SYN3: variants seen among roughly 807,000 people sequenced by gnomAD.
The protein encoded by SYN3 is synapsin III.
In SYN3, 35 loss-of-function variants were observed where a neutral mutation model predicts 65.8. The observed-to-expected ratio is 0.53, with a 90% CI of 0.41 to 0.70. The LOEUF is 0.70. Among genes scored for constraint, SYN3 ranks in the 30% least tolerant of loss-of-function variants. SYN3 has a pLI of 0.00. For synonymous variants in SYN3, 270 were observed against 292.9 expected (o/e 0.92, Z 0.80); for missense variants, 680 against 749.0 (o/e 0.91, Z 1.08).
In SYN3 at chr22:32,608,047, G is replaced by A. The variant is rs145657989; in HGVS notation, c.712-11311C>T. Among the ~76,000 whole-genome samples the A allele has an allele frequency of 7.5e-3, 1,139 of 152,274 alleles. 10 individuals are homozygous for A. The highest frequency in any genetic ancestry group is 0.037 in the Middle Eastern group (11 of 294). ...GATGGGGAAAAGCACCCCTTTCCAA[G>A]TCAGATGACCCTTTTAAAAAAAGTA... On this transcript the variant is annotated intron_variant, in intron 6 of 13. Coordinates refer to ENST00000358763, the MANE Select transcript of SYN3 (RefSeq NM_003490.4).
intron 5 of SYN3, among the ~76,000 whole-genome samples, chr22:32,868,393 CATGT>C (rs2048746732): frequency 6.6e-6 from 1 of 150,968 alleles, no homozygotes; most frequent in Non-Finnish European, 1.5e-5. Flanking sequence ...TTACATGTAA[CATGT>C]ATAATATATA....
At chr22:32,520,026 T>C (rs2146085158) in intron 12 of SYN3, among the ~76,000 whole-genome samples, 1 of 152,280 alleles carries the variant, frequency 6.6e-6, no homozygotes, top group Admixed American at 6.5e-5. Context: ...CCTGGAACTC[T>C]AGAGAGAGCC....
At chr22:32,755,040 C>T (rs757845434) in intron 6 of SYN3, among the ~76,000 whole-genome samples, 12 of 151,240 alleles carry the variant, frequency 7.9e-5, no homozygotes, top group Admixed American at 3.9e-4. Flanking sequence ...CCAAGTCTGG[C>T]ACTGGGACTG....
At position 32,596,753 on chromosome 22, in the gene SYN3, G is replaced by A. The variant is rs1191205436; in HGVS notation, c.712-17C>T. ...GGCTGTGACCTGAAAGAGACAAGAA[G>A]AAGTCACTCTTAACATCTCAGAGCA... On this transcript the variant is annotated splice_polypyrimidine_tract_variant and intron_variant, in intron 6 of 13. Coordinates refer to ENST00000358763, the MANE Select transcript of SYN3 (RefSeq NM_003490.4). 6.2e-7 allele frequency: 1 copy of A among 1,613,670 alleles called. No homozygotes were observed. The highest frequency in any genetic ancestry group is 8.5e-7 in the Non-Finnish European group (1 of 1,179,720).
At chr22:32,956,730 G>T (rs1428503483) in intron 3 of SYN3, among the ~76,000 whole-genome samples, 1 of 152,166 alleles carries the variant, frequency 6.6e-6, no homozygotes, top group East Asian at 1.9e-4. Flanking sequence ...GAACCATGCT[G>T]CTGTGAACAT....
At chr22:32,830,600 G>A (rs2047543526) in intron 6 of SYN3, among the ~76,000 whole-genome samples, 1 of 152,156 alleles carries the variant, frequency 6.6e-6, no homozygotes, top group Admixed American at 6.5e-5. Context: ...AGGCAGCTGG[G>A]AATAGATATG....
chr22:32,835,289 T>A (rs2047697843), intron 6 of SYN3, among the ~76,000 whole-genome samples: 1 of 152,178 alleles, frequency 6.6e-6, no homozygotes, highest in African/African-American at 2.4e-5. Context: ...CACTGTGAGA[T>A]GTTGCGGTTA....
At chr22:32,622,720 G>A (rs551290948) in intron 6 of SYN3, among the ~76,000 whole-genome samples, 9 of 137,862 alleles carry the variant, frequency 6.5e-5, no homozygotes, top group South Asian at 2.6e-4. Context: ...TCCAGAAATC[G>A]GATGCAAAAA....
chr22:32,721,720 C>T (rs1407711219), intron 6 of SYN3, among the ~76,000 whole-genome samples: 1 of 152,162 alleles, frequency 6.6e-6, no homozygotes, highest in African/African-American at 2.4e-5. Flanking sequence ...CCTTCATTAT[C>T]ATTCTAGTGA....
intron 6 of SYN3, among the ~76,000 whole-genome samples, chr22:32,841,334 C>A (rs1453376710): frequency 6.6e-6 from 1 of 152,078 alleles, no homozygotes; most frequent in Non-Finnish European, 1.5e-5. Context: ...TGTCAGGGGC[C>A]AAGGGATTGC....
At chr22:32,686,889 CT>C (rs2060597662) in intron 6 of SYN3, among the ~76,000 whole-genome samples, 1 of 152,088 alleles carries the variant, frequency 6.6e-6, no homozygotes, top group Admixed American at 6.5e-5. Context: ...ACCACTGCAC[CT>C]GGCCCAGCCG....
At chr22:32,944,049 G>A (rs1028265243) in intron 3 of SYN3, among the ~76,000 whole-genome samples, 1 of 152,010 alleles carries the variant, frequency 6.6e-6, no homozygotes, top group Non-Finnish European at 1.5e-5. Flanking sequence ...ACGAGACAAA[G>A]TTAACAAGGA....
At chr22:32,844,988 C>G (rs906847766) in intron 6 of SYN3, among the ~76,000 whole-genome samples, 1 of 152,168 alleles carries the variant, frequency 6.6e-6, no homozygotes, top group Admixed American at 6.5e-5. Context: ...CTTGGCCTCC[C>G]AAAGTGATGA....
chr22:32,552,179 G>C (rs1188198894), intron 7 of SYN3, among the ~76,000 whole-genome samples: 1 of 152,216 alleles, frequency 6.6e-6, no homozygotes, highest in Non-Finnish European at 1.5e-5. Context: ...CCGGGAGGCG[G>C]AGGTTGCAGT....
intron 6 of SYN3, among the ~76,000 whole-genome samples, chr22:32,799,531 C>T (rs190518129): frequency 8.0e-4 from 122 of 152,242 alleles, no homozygotes; most frequent in African/African-American, 2.7e-3. Context: ...GAGAAAATAT[C>T]GGCACTTTGG....
At chr22:32,623,641 C>A (rs2059625645) in intron 6 of SYN3, among the ~76,000 whole-genome samples, 1 of 152,236 alleles carries the variant, frequency 6.6e-6, no homozygotes, top group South Asian at 2.1e-4. Flanking sequence ...CGTGCCACTT[C>A]CCACTCCATT....
At chr22:32,982,749 A>C (rs2052407432) in intron 2 of SYN3, among the ~76,000 whole-genome samples, 2 of 152,222 alleles carry the variant, frequency 1.3e-5, no homozygotes, top group Non-Finnish European at 2.9e-5. Context: ...TGTTGAATGA[A>C]TACATGAGTG....
chr22:32,728,396 A>C (rs1203964508), intron 6 of SYN3, among the ~76,000 whole-genome samples: 1 of 152,238 alleles, frequency 6.6e-6, no homozygotes, highest in East Asian at 1.9e-4. Flanking sequence ...CCCAGCCCAC[A>C]TCAGCTCCTT....
At position 32,865,016 on chromosome 22, in the gene SYN3, G is replaced by C. The variant is rs773155049; in HGVS notation, c.622-12C>G. The stretch of plus-strand genomic sequence containing the variant: ...ATGAGCTGAGAGAACTAGGATAGAA[G>C]AGGAGAGAACATTGATCAACTATTG... On this transcript the variant is annotated splice_polypyrimidine_tract_variant and intron_variant, in intron 5 of 13. Coordinates refer to ENST00000358763, the MANE Select transcript of SYN3 (RefSeq NM_003490.4). 4 of 1,604,420 alleles carry C rather than the reference G, an allele frequency of 2.5e-6. No homozygotes were observed. Among genetic ancestry groups the C allele is most frequent in the African/African-American group, 2.7e-5 (2 of 74,732 alleles).
Sources: allele counts gnomAD v4.1 joint callset (sites outside exome capture counted in the v4.1 genomes callset), GRCh38; gene constraint gnomAD v4.1.1; transcripts MANE v1.5; gene names NCBI Gene and HGNC (gene_info 2026-07-23, HGNC 2026-07-21).